Variants in NYAP2 observed in about 807,000 individuals in gnomAD.
NYAP2 encodes the protein neuronal tyrosine-phosphorylated phosphoinositide-3-kinase adaptor 2.
Under a neutral mutation model 50.4 loss-of-function variants are expected in NYAP2, and 23 were observed. That is an observed-to-expected ratio of 0.46 (90% CI 0.33 to 0.65). The LOEUF (loss-of-function observed/expected upper bound fraction) is 0.65. Ranked by LOEUF, NYAP2 falls within the 30% of genes least tolerant of loss-of-function variation. The pLI is 0.02. For synonymous variants in NYAP2, 394 were observed against 365.2 expected (o/e 1.08, Z -0.90); for missense variants, 885 against 861.0 (o/e 1.03, Z -0.35).
chr2:225,689,066 C>T, the NYAP2 span, among the ~76,000 whole-genome samples: 2 of 152,242 alleles, frequency 1.3e-5, no homozygotes, highest in East Asian at 3.9e-4. Flanking sequence ...CAAACACACA[C>T]ATACATATTT....
At chr2:225,673,223 C>T in the NYAP2 span, among the ~76,000 whole-genome samples, 2 of 151,964 alleles carry the variant, frequency 1.3e-5, no homozygotes, top group Non-Finnish European at 2.9e-5. Flanking sequence ...AAAGACCTGC[C>T]CCCATGCTTC....
At chr2:225,585,873 C>T (rs1027753261) in intron 5 of NYAP2, among the ~76,000 whole-genome samples, 1 of 152,174 alleles carries the variant, frequency 6.6e-6, no homozygotes, top group African/African-American at 2.4e-5. Context: ...TGTTGCAGTA[C>T]ACTCATGGAT....
At chr2:225,474,796 C>G (rs970578422) in intron 3 of NYAP2, among the ~76,000 whole-genome samples, 3 of 152,194 alleles carry the variant, frequency 2.0e-5, no homozygotes, top group African/African-American at 7.2e-5. Flanking sequence ...ATTGAATACC[C>G]TTTATTTCTT....
At chr2:225,684,544 TTAAA>T in the NYAP2 span, among the ~76,000 whole-genome samples, 1 of 151,978 alleles carries the variant, frequency 6.6e-6, no homozygotes, top group Non-Finnish European at 1.5e-5. Context: ...TTCAAAAATC[TTAAA>T]TATAGTTTTT....
chr2:225,556,837 T>A (rs55810627), intron 4 of NYAP2, among the ~76,000 whole-genome samples: 2,440 of 152,314 alleles, frequency 0.016, 59 homozygotes, highest in African/African-American at 0.056. Context: ...TTAGTGATAC[T>A]AATGATTATA....
At chr2:225,574,115 A>G (rs1307397551) in intron 4 of NYAP2, among the ~76,000 whole-genome samples, 1 of 152,210 alleles carries the variant, frequency 6.6e-6, no homozygotes, top group African/African-American at 2.4e-5. Flanking sequence ...TATCTAAGTC[A>G]CGCCCATGTG....
chr2:225,500,279 A>G (rs1229762692), intron 3 of NYAP2, among the ~76,000 whole-genome samples: 2 of 152,350 alleles, frequency 1.3e-5, no homozygotes, highest in South Asian at 2.1e-4. Context: ...CTGCAGAGTT[A>G]TCTTAAGAAG....
At chr2:225,693,386 G>C in the NYAP2 span, among the ~76,000 whole-genome samples, 3 of 152,018 alleles carry the variant, frequency 2.0e-5, no homozygotes, top group Admixed American at 1.3e-4. Context: ...AGAGGTAAAA[G>C]TGTCTCTGGT....
At chr2:225,510,044 G>C (rs766366791) in intron 3 of NYAP2, among the ~76,000 whole-genome samples, 1 of 152,170 alleles carries the variant, frequency 6.6e-6, no homozygotes. Context: ...AAGTTAGTTG[G>C]TGTTTTTCCT....
At chr2:225,651,606 C>T (rs370713346) in exon 7 of NYAP2, 1 of 1,610,490 alleles carries the variant, frequency 6.2e-7, no homozygotes, top group African/African-American at 1.3e-5. Flanking sequence ...CCACCTCTGT[C>T]TGTCCTGTTG....
chr2:225,544,610 GTT>G (rs1691538676), intron 4 of NYAP2, among the ~76,000 whole-genome samples: 1 of 151,942 alleles, frequency 6.6e-6, no homozygotes, highest in Non-Finnish European at 1.5e-5. Context: ...ACATTTCGTT[GTT>G]TCTCTTTATG....
chr2:225,487,282 T>C (rs1690317791), intron 3 of NYAP2, among the ~76,000 whole-genome samples: 1 of 152,208 alleles, frequency 6.6e-6, no homozygotes, highest in Admixed American at 6.5e-5. Flanking sequence ...TTCAGGCCCA[T>C]GATGGCCCTC....
chr2:225,646,001 C>G (rs1370918238), intron 6 of NYAP2, among the ~76,000 whole-genome samples: 1 of 152,144 alleles, frequency 6.6e-6, no homozygotes, highest in Non-Finnish European at 1.5e-5. Context: ...TGAACAATTG[C>G]ACTTTGATGT....
At chr2:225,418,913 A>G (rs530368576) in intron 3 of NYAP2, among the ~76,000 whole-genome samples, 1 of 152,200 alleles carries the variant, frequency 6.6e-6, no homozygotes, top group Non-Finnish European at 1.5e-5. Context: ...CATGAGATCT[A>G]TTCTCCTAAC....
At chr2:225,530,071 C>T (rs568131094) in intron 4 of NYAP2, among the ~76,000 whole-genome samples, 10 of 152,006 alleles carry the variant, frequency 6.6e-5, no homozygotes, top group African/African-American at 1.4e-4. Flanking sequence ...TAATATAAAG[C>T]GTTTGGTACT....
At chr2:225,595,978 C>T (rs144303472) in intron 5 of NYAP2, among the ~76,000 whole-genome samples, 1 of 152,208 alleles carries the variant, frequency 6.6e-6, no homozygotes, top group Non-Finnish European at 1.5e-5. Flanking sequence ...TCTTTTAAAC[C>T]TTCATGAAAC....
intron 3 of NYAP2, among the ~76,000 whole-genome samples, chr2:225,422,933 G>A (rs1458407560): frequency 6.6e-6 from 1 of 152,060 alleles, no homozygotes; most frequent in African/African-American, 2.4e-5. Flanking sequence ...ATTATAAACA[G>A]ATGTTATTAA....
intron 3 of NYAP2, among the ~76,000 whole-genome samples, chr2:225,446,759 G>T (rs559133322): frequency 3.9e-5 from 6 of 152,262 alleles, no homozygotes; most frequent in African/African-American, 1.2e-4. Flanking sequence ...GTAAACAGCA[G>T]CAGGGTGATT....
chr2:225,688,814 C>T, the NYAP2 span, among the ~76,000 whole-genome samples: 12 of 152,162 alleles, frequency 7.9e-5, no homozygotes, highest in Non-Finnish European at 1.5e-4. Flanking sequence ...ACGATCTTGG[C>T]TCATTGCAAC....
Sources: allele counts gnomAD v4.1 joint callset (sites outside exome capture counted in the v4.1 genomes callset), GRCh38; gene constraint gnomAD v4.1.1; transcripts MANE v1.5; gene names NCBI Gene and HGNC (gene_info 2026-07-23, HGNC 2026-07-21).